The following SEMA6D variants were observed in gnomAD, a reference collection of about 807,000 sequenced individuals.
SEMA6D encodes semaphorin 6D, also known as semaphorin-6D.
A neutral mutation model predicts 106.6 loss-of-function variants in SEMA6D; 35 were observed. That is an observed-to-expected ratio of 0.33 (90% CI 0.25 to 0.44). The LOEUF (loss-of-function observed/expected upper bound fraction) is 0.44. Among genes scored for constraint, SEMA6D ranks in the 20% least tolerant of loss-of-function variants. The pLI, the probability that SEMA6D is intolerant of heterozygous loss-of-function variation, is 1.00. For missense variants in SEMA6D, 1,185 were observed against 1,345.9 expected, an observed-to-expected ratio of 0.88 and a Z score of 1.87; for synonymous variants, 499 against 487.7, an observed-to-expected ratio of 1.02 and a Z score of -0.31.
chr15:47,378,361 T>C (rs1182534638), intron 1 of SEMA6D, among the ~76,000 whole-genome samples: 2 of 152,256 alleles, frequency 1.3e-5, no homozygotes, highest in East Asian at 3.9e-4. Context: ...CCAGGCGTGG[T>C]GGCACGCGCC....
intron 2 of SEMA6D, among the ~76,000 whole-genome samples, chr15:47,433,251 G>A (rs182441490): frequency 6.6e-6 from 1 of 151,812 alleles, no homozygotes. Flanking sequence ...CTTGAATTGG[G>A]CTCTTCAATT....
chr15:47,711,246 C>T (rs960009061), intron 4 of SEMA6D, among the ~76,000 whole-genome samples: 8 of 135,142 alleles, frequency 5.9e-5, no homozygotes, highest in African/African-American at 2.2e-4. Context: ...GGAGGCGGAG[C>T]TTGCAGTGAG....
At chr15:47,496,726 T>G (rs551853061) in intron 3 of SEMA6D, among the ~76,000 whole-genome samples, 43 of 152,180 alleles carry the variant, frequency 2.8e-4, no homozygotes, top group African/African-American at 1.0e-3. Context: ...TCTGATTTCT[T>G]GTTTGCCTGG....
intron 4 of SEMA6D, among the ~76,000 whole-genome samples, chr15:47,696,220 GT>G (rs2078696025): frequency 6.6e-6 from 1 of 152,102 alleles, no homozygotes; most frequent in African/African-American, 2.4e-5. Context: ...AGATGACTCA[GT>G]CTTCAAATCC....
In SEMA6D at chr15:47,404,286, T is replaced by C. The variant is rs937010472; in HGVS notation, c.-238-8107T>C. ...GGGTTAAGGCTGAAGATATAAAAAA[T>C]AAATGTTACCATTTATTGAGAACCT... On this transcript the variant is annotated intron_variant, in intron 1 of 19. Transcript: ENST00000558014. Among the ~76,000 whole-genome samples the C allele has an allele frequency of 4.6e-5, 7 of 152,282 alleles. No individual in the cohort carries two copies. The East Asian group carries it at 1.4e-3, about 29-fold the overall frequency.
At chr15:47,350,594 C>T (rs992004887) in intron 1 of SEMA6D, among the ~76,000 whole-genome samples, 13 of 152,006 alleles carry the variant, frequency 8.6e-5, no homozygotes, top group African/African-American at 1.4e-4. Context: ...TGTTTTCGTG[C>T]GGAGGAGACA....
intron 4 of SEMA6D, among the ~76,000 whole-genome samples, chr15:47,704,718 C>CAAA (rs34821323): frequency 6.7e-6 from 1 of 149,426 alleles, no homozygotes; most frequent in Non-Finnish European, 1.5e-5. Flanking sequence ...GACCCTGTCT[C>CAAA]AAAAAAAAAA....
intron 3 of SEMA6D, among the ~76,000 whole-genome samples, chr15:47,527,418 G>A (rs1041535536): frequency 6.6e-6 from 1 of 152,158 alleles, no homozygotes; most frequent in Non-Finnish European, 1.5e-5. Flanking sequence ...AGCACATATA[G>A]ATTGTTCTGG....
chr15:47,652,024 A>C (rs2077702046), intron 4 of SEMA6D, among the ~76,000 whole-genome samples: 1 of 152,152 alleles, frequency 6.6e-6, no homozygotes, highest in Non-Finnish European at 1.5e-5. Flanking sequence ...TGGTGATCTC[A>C]TCCTACTCTT....
At chr15:47,400,704 G>T (rs561763136) in intron 1 of SEMA6D, among the ~76,000 whole-genome samples, 1 of 152,294 alleles carries the variant, frequency 6.6e-6, no homozygotes, top group Non-Finnish European at 1.5e-5. Flanking sequence ...ACTCTTCGAA[G>T]GATACTCAGT....
chr15:47,349,221 G>A lies in SEMA6D; in HGVS notation c.-238-63172G>A, dbSNP rs544546263. Among the ~76,000 whole-genome samples the A allele has an allele frequency of 2.0e-4, 30 of 152,184 alleles. 1 individual carries two copies. The highest frequency in any genetic ancestry group is 8.3e-4 in the South Asian group (4 of 4,828). On this transcript the variant is annotated intron_variant, in intron 1 of 19. Transcript: ENST00000558014. ...AATCATGTTCATTAGGAGCAATACA[G>A]CCAGGAATATTGATAACAGCTTTGT...
intron 3 of SEMA6D, chr15:47,600,791 AACTC>A (rs1487364556): frequency 6.6e-6 from 1 of 152,188 alleles, no homozygotes; most frequent in African/African-American, 2.4e-5. Context: ...AACTATGTTT[AACTC>A]AGTATTGTGG....
At chr15:47,737,504 A>G (rs1032191592) in intron 1 of SEMA6D, among the ~76,000 whole-genome samples, 5 of 152,230 alleles carry the variant, frequency 3.3e-5, no homozygotes, top group East Asian at 3.8e-4. Flanking sequence ...GTATTTGTCT[A>G]TATGCATCTC....
At chr15:47,770,400 C>A in intron 18 of SEMA6D, 97 bp from the exon 19 acceptor site, 1 of 1,001,530 alleles carries the variant, frequency 1.0e-6, no homozygotes, top group Non-Finnish European at 1.5e-6. Context: ...AGCATATGAA[C>A]CATATGAAGG....
At chr15:47,545,624 A>C (rs2045495658) in intron 3 of SEMA6D, among the ~76,000 whole-genome samples, 1 of 152,126 alleles carries the variant, frequency 6.6e-6, no homozygotes, top group Non-Finnish European at 1.5e-5. Context: ...TCTAAATCTA[A>C]CTTCTAAGAT....
chr15:47,516,996 A>T (rs1346172900), intron 3 of SEMA6D, among the ~76,000 whole-genome samples: 1 of 152,200 alleles, frequency 6.6e-6, no homozygotes, highest in Non-Finnish European at 1.5e-5. Flanking sequence ...GAGTGCAGAG[A>T]GCTGCTTTCT....
intron 1 of SEMA6D, among the ~76,000 whole-genome samples, chr15:47,359,020 G>A (rs1002229052): frequency 6.6e-6 from 1 of 151,888 alleles, no homozygotes; most frequent in Admixed American, 6.6e-5. Flanking sequence ...TTGATCTGCT[G>A]TACTATCTTT....
chr15:47,733,861 A>T (rs2080289659), intron 1 of SEMA6D, among the ~76,000 whole-genome samples: 1 of 152,170 alleles, frequency 6.6e-6, no homozygotes, highest in Admixed American at 6.5e-5. Context: ...GGAAAGGCTT[A>T]TGGATTTTAT....
chr15:47,403,445 A>G (rs957294945), intron 1 of SEMA6D, among the ~76,000 whole-genome samples: 1 of 152,214 alleles, frequency 6.6e-6, no homozygotes, highest in African/African-American at 2.4e-5. Context: ...GTGCGGGTCA[A>G]TAAAAATTTA....
Sources: allele counts gnomAD v4.1 joint callset (sites outside exome capture counted in the v4.1 genomes callset), GRCh38; gene constraint gnomAD v4.1.1; transcripts MANE v1.5; gene names NCBI Gene and HGNC (gene_info 2026-07-23, HGNC 2026-07-21).